TRABD2B: variants seen among roughly 807,000 people sequenced by gnomAD.
TRABD2B encodes the protein metalloprotease TIKI2.
TRABD2B carries 14 observed loss-of-function variants against 40.1 expected under a neutral mutation model. The observed-to-expected ratio is 0.35, with a 90% CI of 0.23 to 0.55. The LOEUF (loss-of-function observed/expected upper bound fraction) is 0.55. TRABD2B is among the 20% of genes least tolerant of loss of function. The probability of loss-of-function intolerance (pLI) is 0.90; values close to 1 mark genes in which losing one functional copy is unlikely to be tolerated. For missense variants in TRABD2B, 541 were observed against 648.6 expected (o/e 0.83, Z 1.80); for synonymous variants, 263 against 277.0 (o/e 0.95, Z 0.50).
At chr1:47,856,633 C>T (rs940122618) in intron 2 of TRABD2B, among the ~76,000 whole-genome samples, 1 of 152,120 alleles carries the variant, frequency 6.6e-6, no homozygotes, top group Non-Finnish European at 1.5e-5. Flanking sequence ...CTAAGTGGAC[C>T]ACTTCACTCC....
rs10577035 is a variant in TRABD2B at position 47,995,501 on chromosome 1, CGTGTGT to C, written c.103-910_103-905del. The stretch of plus-strand genomic sequence containing the variant: ...GCTCCGACTTAGGGGAGTGTGTGTG[CGTGTGT>C]GTGTGTGTGTGTGCGCGTGTGTGTG... On this transcript the variant is annotated intron_variant, in intron 1 of 6. Transcript: ENST00000606738. Among the ~76,000 whole-genome samples the C allele has an allele frequency of 1.7e-4, 25 of 149,980 alleles. No individual in the cohort carries two copies. In the East Asian group the frequency reaches 4.3e-3, roughly 26 times the overall value.
intron 2 of TRABD2B, among the ~76,000 whole-genome samples, chr1:47,833,812 C>T (rs891582714): frequency 1.3e-5 from 2 of 152,212 alleles, no homozygotes; most frequent in African/African-American, 2.4e-5. Flanking sequence ...GACTAAGGAC[C>T]TCTGAAAATT....
At chr1:47,784,349 G>A (rs1011546266) in intron 4 of TRABD2B, among the ~76,000 whole-genome samples, 3 of 152,216 alleles carry the variant, frequency 2.0e-5, no homozygotes, top group Non-Finnish European at 4.4e-5. Context: ...GATCGGAGAG[G>A]AGAGTGTGCA....
rs565161545 is a variant in TRABD2B at position 47,829,817 on chromosome 1, G to T, written c.667-28198C>A. Among the ~76,000 whole-genome samples, 31 of 152,284 alleles carry T rather than the reference G, an allele frequency of 2.0e-4. 1 individual carries two copies. Among genetic ancestry groups the T allele is most frequent in the South Asian group, 1.2e-3 (6 of 4,818 alleles). On this transcript the variant is annotated intron_variant, in intron 2 of 6. Transcript: ENST00000606738. ...AAAAAGTCCTTTACTGCACCCCATT[G>T]TTCTTAGGAGAAAGTCAGTTTTGTC...
At chr1:47,850,475 C>T (rs1293289223) in intron 2 of TRABD2B, among the ~76,000 whole-genome samples, 1 of 152,212 alleles carries the variant, frequency 6.6e-6, no homozygotes, top group Non-Finnish European at 1.5e-5. Flanking sequence ...AATCTAGATT[C>T]ATGCATTCAA....
intron 2 of TRABD2B, among the ~76,000 whole-genome samples, chr1:47,943,757 A>AACACACACACACACACACACAC (rs10554684): frequency 6.8e-6 from 1 of 146,720 alleles, no homozygotes; most frequent in Non-Finnish European, 1.5e-5. Context: ...GCATCCAGAA[A>AACACACACACACACACACACAC]ACACACACAC....
At chr1:47,821,582 G>A (rs907547988) in intron 2 of TRABD2B, among the ~76,000 whole-genome samples, 3 of 152,062 alleles carry the variant, frequency 2.0e-5, no homozygotes, top group African/African-American at 7.2e-5. Context: ...TCTGTGGCAG[G>A]AGCTCAGTAT....
At chr1:47,780,546 G>A (rs1644506945) in intron 4 of TRABD2B, among the ~76,000 whole-genome samples, 1 of 152,150 alleles carries the variant, frequency 6.6e-6, no homozygotes, top group Non-Finnish European at 1.5e-5. Context: ...TAAGTATGAT[G>A]GAGAGGGAAC....
chr1:47,893,679 C>T (rs1214756772), intron 2 of TRABD2B, among the ~76,000 whole-genome samples: 2 of 152,140 alleles, frequency 1.3e-5, no homozygotes, highest in African/African-American at 4.8e-5. Flanking sequence ...AGGGAAGTTG[C>T]CAAACATGCT....
At chr1:47,904,595 G>A (rs1187343732) in intron 2 of TRABD2B, among the ~76,000 whole-genome samples, 1 of 151,866 alleles carries the variant, frequency 6.6e-6, no homozygotes, top group Non-Finnish European at 1.5e-5. Flanking sequence ...TGGGGCTCTC[G>A]CTGTTCACCT....
chr1:47,761,563 T>G lies in TRABD2B; in HGVS notation c.*4339A>C, dbSNP rs1278782859. 2.6e-5 allele frequency: 4 copies of G among 152,174 alleles called. No homozygotes were observed. Among genetic ancestry groups the G allele is most frequent in the African/African-American group, 9.7e-5 (4 of 41,434 alleles). 9.4% of individuals were successfully genotyped at this position (152,174 alleles called of 1,614,324 possible). A position where few individuals can be genotyped will look rare whatever the true frequency, so the allele number is the denominator to read the frequency against. ...TGGTTTAGACAGCCAGCGGGGTGAT[T>G]TTTTTTGGCTGCTCAGATGAATTTC... On this transcript the variant is annotated 3_prime_UTR_variant, in exon 7 of 7. Transcript: ENST00000606738.
chr1:47,802,766 C>T (rs376973414), intron 2 of TRABD2B, among the ~76,000 whole-genome samples: 132 of 152,252 alleles, frequency 8.7e-4, no homozygotes, highest in African/African-American at 3.1e-3. Context: ...CATCTCCGGG[C>T]ACACCCCCTC....
At chr1:47,798,469 GGCTGCAGAGGCCAGGGATGCAGCCATT>G (rs895507249) in intron 3 of TRABD2B, among the ~76,000 whole-genome samples, 3 of 152,214 alleles carry the variant, frequency 2.0e-5, no homozygotes, top group Admixed American at 1.3e-4. Context: ...GTGGCCTGGG[GGCTGCAGAGGCCAGGGATGCAGCCATT>G]GCTGCAGGTG....
chr1:47,898,229 A>G (rs935980392), intron 2 of TRABD2B, among the ~76,000 whole-genome samples: 1 of 152,204 alleles, frequency 6.6e-6, no homozygotes, highest in East Asian at 1.9e-4. Context: ...AGCCCTAACA[A>G]TGGCAAGAAA....
chr1:47,924,237 G>A (rs1315147311), intron 2 of TRABD2B, among the ~76,000 whole-genome samples: 3 of 152,192 alleles, frequency 2.0e-5, no homozygotes, highest in Admixed American at 1.3e-4. Flanking sequence ...CATCTTGGCT[G>A]CTTCCAGGAA....
At chr1:47,956,656 G>A (rs577634053) in intron 2 of TRABD2B, among the ~76,000 whole-genome samples, 6 of 152,362 alleles carry the variant, frequency 3.9e-5, no homozygotes, top group South Asian at 4.1e-4. Context: ...GGAGGCTGGC[G>A]GAGGGGCGCC....
At chr1:47,839,227 C>T (rs1273482815) in intron 2 of TRABD2B, among the ~76,000 whole-genome samples, 6 of 152,018 alleles carry the variant, frequency 3.9e-5, no homozygotes, top group African/African-American at 1.2e-4. Context: ...AGAGAAGAGA[C>T]TACTGCATAA....
intron 4 of TRABD2B, among the ~76,000 whole-genome samples, chr1:47,786,141 C>T (rs1043148858): frequency 6.6e-6 from 1 of 152,232 alleles, no homozygotes; most frequent in South Asian, 2.1e-4. Flanking sequence ...TCAGGCTCAT[C>T]TGCAGAGTGG....
intron 2 of TRABD2B, among the ~76,000 whole-genome samples, chr1:47,979,920 C>T (rs1645816669): frequency 6.6e-6 from 1 of 152,122 alleles, no homozygotes; most frequent in Non-Finnish European, 1.5e-5. Flanking sequence ...TGGGAAGGTA[C>T]AGACAAGCCT....
Sources: allele counts gnomAD v4.1 joint callset (sites outside exome capture counted in the v4.1 genomes callset), GRCh38; gene constraint gnomAD v4.1.1; transcripts MANE v1.5; gene names NCBI Gene and HGNC (gene_info 2026-07-23, HGNC 2026-07-21).